Variants in TGFBR3 observed in about 807,000 individuals in gnomAD.
TGFBR3 encodes transforming growth factor beta receptor type 3.
TGFBR3 carries 46 observed loss-of-function variants against 87.9 expected under a neutral mutation model. The ratio of observed to expected loss-of-function variants is 0.52; its 90% CI spans 0.41 to 0.67. The LOEUF (loss-of-function observed/expected upper bound fraction) is 0.67. TGFBR3 is among the 30% of genes least tolerant of loss of function. The pLI is 0.00. For synonymous variants in TGFBR3, 381 were observed against 391.6 expected, an observed-to-expected ratio of 0.97 and a Z score of 0.32; for missense variants, 866 against 1,041.9, an observed-to-expected ratio of 0.83 and a Z score of 2.32.
At chr1:91,715,848 T>C (rs1466373251) in intron 12 of TGFBR3, among the ~76,000 whole-genome samples, 1 of 146,600 alleles carries the variant, frequency 6.8e-6, no homozygotes, top group Non-Finnish European at 1.5e-5. Context: ...AAGGGGACTG[T>C]GCAGGGAAAA....
intron 1 of TGFBR3, among the ~76,000 whole-genome samples, chr1:91,866,075 G>A (rs1678387478): frequency 1.3e-5 from 2 of 152,132 alleles, no homozygotes; most frequent in Admixed American, 1.3e-4. Context: ...CCAACAGAGT[G>A]CACAGGTAAA....
intron 3 of TGFBR3, among the ~76,000 whole-genome samples, chr1:91,759,383 CAAAAA>C (rs35600646): frequency 3.5e-5 from 3 of 84,736 alleles, no homozygotes; most frequent in Middle Eastern, 7.5e-3. Context: ...CAGCCCCTGT[CAAAAA>C]AAAAAAAAAA....
At chr1:91,897,120 T>G (rs1011935081) in intron 2 of TGFBR3, among the ~76,000 whole-genome samples, 6 of 152,196 alleles carry the variant, frequency 3.9e-5, no homozygotes, top group Non-Finnish European at 8.8e-5. Context: ...TTCCTATATG[T>G]TTTACTAACT....
At chr1:91,717,215 G>C (rs533157768) in intron 10 of TGFBR3, among the ~76,000 whole-genome samples, 1 of 151,882 alleles carries the variant, frequency 6.6e-6, no homozygotes, top group Non-Finnish European at 1.5e-5. Flanking sequence ...CTAATGTTTG[G>C]TTATATATAT....
intron 3 of TGFBR3, among the ~76,000 whole-genome samples, chr1:91,789,805 C>T (rs1490696010): frequency 6.6e-6 from 1 of 152,208 alleles, no homozygotes; most frequent in Non-Finnish European, 1.5e-5. Flanking sequence ...TGACAGCTAG[C>T]AGATGCATTG....
intron 14 of TGFBR3, among the ~76,000 whole-genome samples, chr1:91,705,710 A>G (rs284876): frequency 0.48 from 72,839 of 152,036 alleles, 17,915 homozygotes; most frequent in East Asian, 0.72. Context: ...GTTAGAAAGC[A>G]AATTTGCATA....
At chr1:91,736,507 T>C (rs988912347) in intron 4 of TGFBR3, among the ~76,000 whole-genome samples, 2 of 151,416 alleles carry the variant, frequency 1.3e-5, no homozygotes, top group Admixed American at 1.3e-4. Context: ...AATGTCCTGA[T>C]GCCAGTTATA....
intron 3 of TGFBR3, among the ~76,000 whole-genome samples, chr1:91,776,629 C>T (rs10874940): frequency 0.13 from 20,341 of 152,130 alleles, 1,691 homozygotes; most frequent in East Asian, 0.25. Flanking sequence ...AGCCTACCAG[C>T]GTTTGACTTT....
intron 6 of TGFBR3, among the ~76,000 whole-genome samples, chr1:91,728,776 C>T (rs527836114): frequency 7.9e-5 from 12 of 152,118 alleles, no homozygotes; most frequent in East Asian, 1.9e-4. Context: ...ATTTTCACCT[C>T]GAAATCCCTC....
chr1:91,759,743 G>C (rs751824378), intron 3 of TGFBR3, among the ~76,000 whole-genome samples: 3 of 152,090 alleles, frequency 2.0e-5, no homozygotes, highest in African/African-American at 4.8e-5. Context: ...AATAAGGGAG[G>C]GACAGGACAA....
chr1:91,804,609 G>GCACA (rs1675764306), intron 2 of TGFBR3, among the ~76,000 whole-genome samples: 1 of 152,180 alleles, frequency 6.6e-6, no homozygotes, highest in African/African-American at 2.4e-5. Context: ...ACAAGTGCCT[G>GCACA]AGTTAACACA....
intron 2 of TGFBR3, among the ~76,000 whole-genome samples, chr1:91,893,825 G>A (rs1231999804): frequency 6.6e-6 from 1 of 151,176 alleles, no homozygotes; most frequent in African/African-American, 2.4e-5. Flanking sequence ...TCTTCAAAAA[G>A]CGTTCAGTCA....
chr1:91,721,899 G>A, intron 8 of TGFBR3, 56 bp downstream of exon 8: 2 of 1,536,824 alleles, frequency 1.3e-6, no homozygotes, highest in African/African-American at 2.7e-5. Context: ...GTTCCTCACT[G>A]GAAAAGCTTC....
intron 8 of TGFBR3, 89 bp from the exon 9 acceptor site, chr1:91,720,319 A>G: frequency 7.9e-7 from 1 of 1,264,922 alleles, no homozygotes. Context: ...GAATTAGCAT[A>G]GAATGGGCAG....
chr1:91,794,183 A>G, intron 3 of TGFBR3, among the ~76,000 whole-genome samples: 1 of 144,830 alleles, frequency 6.9e-6, no homozygotes, highest in Non-Finnish European at 1.5e-5. Context: ...AAATTTTAGA[A>G]CATTTTTGTC....
At chr1:91,829,054 G>A (rs1290974692) in intron 2 of TGFBR3, among the ~76,000 whole-genome samples, 1 of 152,032 alleles carries the variant, frequency 6.6e-6, no homozygotes, top group Non-Finnish European at 1.5e-5. Flanking sequence ...TGACACCTGG[G>A]CCATGACCCA....
chr1:91,838,385 A>G (rs910807313), intron 2 of TGFBR3, among the ~76,000 whole-genome samples: 2 of 152,154 alleles, frequency 1.3e-5, no homozygotes, highest in African/African-American at 4.8e-5. Context: ...AGTATCTTTC[A>G]TGAAAAACAA....
intron 2 of TGFBR3, among the ~76,000 whole-genome samples, chr1:91,829,459 GC>G (rs1332122573): frequency 6.6e-6 from 1 of 151,310 alleles, no homozygotes; most frequent in African/African-American, 2.4e-5. Flanking sequence ...GAAGACCCAT[GC>G]ACTGGCTGTG....
intron 3 of TGFBR3, among the ~76,000 whole-genome samples, chr1:91,775,568 C>T (rs926522346): frequency 1.3e-5 from 2 of 152,244 alleles, no homozygotes; most frequent in African/African-American, 2.4e-5. Flanking sequence ...ACCCAGGTAG[C>T]TCCACAACTT....
Sources: gnomAD v4.1 joint callset for allele counts (sites outside exome capture counted in the v4.1 genomes callset) on GRCh38, gnomAD v4.1.1 for gene constraint, MANE v1.5 for transcripts, NCBI Gene and HGNC (gene_info 2026-07-23, HGNC 2026-07-21) for gene names.